Variants in PCBP3 observed in about 807,000 individuals in gnomAD.
The protein encoded by PCBP3 is poly(rC) binding protein 3, also known as poly(rC)-binding protein 3.
A neutral mutation model predicts 52.7 loss-of-function variants in PCBP3; 25 were observed. The observed-to-expected ratio is 0.47, with a 90% CI of 0.35 to 0.66. The LOEUF is 0.66. PCBP3 is among the 30% of genes least tolerant of loss of function. PCBP3 has a pLI of 0.01. For missense variants in PCBP3, 391 were observed against 490.3 expected (o/e 0.80, Z 1.91); for synonymous variants, 162 against 183.0 (o/e 0.89, Z 0.93).
chr21:45,799,036 T>G (rs1172207500), intron 4 of PCBP3, among the ~76,000 whole-genome samples: 2 of 151,850 alleles, frequency 1.3e-5, no homozygotes, highest in Admixed American at 1.3e-4. Context: ...CATGGATGAA[T>G]GCATGGATCT....
chr21:45,907,655 C>A (rs2096243056), intron 9 of PCBP3, among the ~76,000 whole-genome samples: 1 of 152,024 alleles, frequency 6.6e-6, no homozygotes, highest in South Asian at 2.1e-4. Flanking sequence ...TTCTGTTGGT[C>A]ATTGCAGGTC....
intron 5 of PCBP3, among the ~76,000 whole-genome samples, chr21:45,863,684 G>C (rs182154196): frequency 9.8e-4 from 150 of 152,320 alleles, no homozygotes; most frequent in African/African-American, 3.5e-3. Flanking sequence ...TTGTCTAAAC[G>C]GGGAGAGTGG....
At chr21:45,734,647 A>G (rs538948194) in intron 2 of PCBP3, among the ~76,000 whole-genome samples, 2 of 150,282 alleles carry the variant, frequency 1.3e-5, no homozygotes, top group African/African-American at 4.9e-5. Flanking sequence ...TGGCCCAGGC[A>G]CTCTCCCCAG....
intron 2 of PCBP3, among the ~76,000 whole-genome samples, chr21:45,705,370 G>T (rs2083383267): frequency 6.6e-6 from 1 of 152,238 alleles, no homozygotes; most frequent in African/African-American, 2.4e-5. Context: ...GACTGGAGAT[G>T]TGGGCACAGT....
intron 4 of PCBP3, among the ~76,000 whole-genome samples, chr21:45,843,358 A>G (rs2093738079): frequency 6.6e-6 from 1 of 152,174 alleles, no homozygotes; most frequent in South Asian, 2.1e-4. Flanking sequence ...AGACTTTAAG[A>G]ACCAAATTTT....
At chr21:45,730,720 A>T (rs181534908) in intron 2 of PCBP3, among the ~76,000 whole-genome samples, 4 of 152,112 alleles carry the variant, frequency 2.6e-5, no homozygotes, top group Admixed American at 6.5e-5. Flanking sequence ...TAGGTGTGTG[A>T]ACGTTTAGGG....
chr21:45,756,142 G>A (rs1288126592), intron 4 of PCBP3, among the ~76,000 whole-genome samples: 1 of 152,116 alleles, frequency 6.6e-6, no homozygotes, highest in African/African-American at 2.4e-5. Context: ...TAGAGTTGAG[G>A]TTCACTTTCC....
At chr21:45,927,805 G>C (rs2075672245) in intron 13 of PCBP3, among the ~76,000 whole-genome samples, 1 of 152,164 alleles carries the variant, frequency 6.6e-6, no homozygotes, top group South Asian at 2.1e-4. Context: ...GAGGCCTGGA[G>C]ACACCAGGCC....
At chr21:45,758,316 T>C (rs1431928338) in intron 4 of PCBP3, among the ~76,000 whole-genome samples, 1 of 152,232 alleles carries the variant, frequency 6.6e-6, no homozygotes, top group Non-Finnish European at 1.5e-5. Context: ...GCATTCCATG[T>C]GAATTTTAGG....
At chr21:45,798,501 G>T (rs955484570) in intron 4 of PCBP3, among the ~76,000 whole-genome samples, 1 of 152,288 alleles carries the variant, frequency 6.6e-6, no homozygotes, top group African/African-American at 2.4e-5. Context: ...ATGCATGGAT[G>T]GATGAATGCA....
At chr21:45,899,722 CT>C in intron 7 of PCBP3, 100 bp downstream of exon 7, 1 of 844,190 alleles carries the variant, frequency 1.2e-6, no homozygotes. Flanking sequence ...GTAGGTGCGC[CT>C]TTCCCAGTTG....
At chr21:45,868,764 G>A (rs977794272) in intron 5 of PCBP3, among the ~76,000 whole-genome samples, 2 of 152,224 alleles carry the variant, frequency 1.3e-5, no homozygotes, top group African/African-American at 4.8e-5. Context: ...GGAGGCAGGC[G>A]TTAGGACGGG....
intron 4 of PCBP3, among the ~76,000 whole-genome samples, chr21:45,808,631 C>A (rs1040659259): frequency 6.6e-6 from 1 of 152,120 alleles, no homozygotes; most frequent in African/African-American, 2.4e-5. Context: ...GACAGTATGG[C>A]GATTCCTCAA....
intron 4 of PCBP3, among the ~76,000 whole-genome samples, chr21:45,824,863 C>A (rs577259975): frequency 6.6e-6 from 1 of 152,218 alleles, no homozygotes; most frequent in Non-Finnish European, 1.5e-5. Context: ...GGACATGGGG[C>A]CATTAGAAGA....
rs116508408 is a variant in PCBP3, at chr21:45,789,056, A to G, written c.-126+33604A>G. Among the ~76,000 whole-genome samples the G allele has an allele frequency of 5.9e-3, 899 of 152,302 alleles. 6 individuals are homozygous for G. Among genetic ancestry groups the G allele is most frequent in the African/African-American group, 0.02 (836 of 41,576 alleles). The stretch of plus-strand genomic sequence containing the variant: ...CTTAGAACACAGTGAGTGCACATCA[A>G]TGGCTGTGTCCCCAGAGCTGGCCGT... On this transcript the variant is annotated intron_variant, in intron 4 of 17. Transcript: ENST00000681687.
intron 4 of PCBP3, among the ~76,000 whole-genome samples, chr21:45,772,582 T>C (rs923379971): frequency 6.6e-6 from 1 of 152,226 alleles, no homozygotes; most frequent in Non-Finnish European, 1.5e-5. Flanking sequence ...AGATACCCAG[T>C]AGTGGGATTG....
At chr21:45,937,243 C>T (rs992150830) in intron 16 of PCBP3, among the ~76,000 whole-genome samples, 3 of 152,370 alleles carry the variant, frequency 2.0e-5, no homozygotes, top group Middle Eastern at 3.4e-3. Context: ...CTGAGACTCA[C>T]AGGCTCCCCA....
At chr21:45,900,663 G>T (rs777357552) in intron 8 of PCBP3, 40 bp downstream of exon 8, 1 of 1,273,604 alleles carries the variant, frequency 7.9e-7, no homozygotes, top group South Asian at 1.2e-5. Flanking sequence ...AGCCATTCCC[G>T]GGTGGGCGGG....
intron 5 of PCBP3, among the ~76,000 whole-genome samples, chr21:45,891,762 C>T (rs2095668417): frequency 6.6e-6 from 1 of 152,230 alleles, no homozygotes; most frequent in Non-Finnish European, 1.5e-5. Context: ...CAAGGTTAAA[C>T]GGTGAGTCGG....
Sources: gnomAD v4.1 joint callset for allele counts (sites outside exome capture counted in the v4.1 genomes callset) on GRCh38, gnomAD v4.1.1 for gene constraint, MANE v1.5 for transcripts, NCBI Gene and HGNC (gene_info 2026-07-23, HGNC 2026-07-21) for gene names.